Variants in LRRC4C observed in about 807,000 individuals in gnomAD.
The protein encoded by LRRC4C is leucine-rich repeat-containing protein 4C.
In LRRC4C, 5 loss-of-function variants were observed where a neutral mutation model predicts 33.6. The observed-to-expected ratio is 0.15, with a 90% confidence interval of 0.08 to 0.31. The LOEUF (loss-of-function observed/expected upper bound fraction) is 0.31, where lower values mean the gene tolerates loss of function less well. Among genes scored for constraint, LRRC4C ranks in the 10% least tolerant of loss-of-function variants. The probability of loss-of-function intolerance (pLI) is 1.00; values close to 1 mark genes in which losing one functional copy is unlikely to be tolerated. For missense variants in LRRC4C, 560 were observed against 796.7 expected (o/e 0.70, Z 3.58); for synonymous variants, 329 against 302.0 (o/e 1.09, Z -0.93).
chr11:40,310,326 G>A (rs572773519), intron 4 of LRRC4C, among the ~76,000 whole-genome samples: 141 of 152,194 alleles, frequency 9.3e-4, no homozygotes, highest in Non-Finnish European at 1.6e-3. Flanking sequence ...AGGTAAATAA[G>A]GAATGAATCA....
intron 1 of LRRC4C, among the ~76,000 whole-genome samples, chr11:41,183,072 T>C (rs2136166321): frequency 6.6e-6 from 1 of 152,172 alleles, no homozygotes; most frequent in South Asian, 2.1e-4. Context: ...CCCCATGATT[T>C]AATTACCTCC....
chr11:40,402,657 A>G (rs1949803974), intron 3 of LRRC4C, among the ~76,000 whole-genome samples: 1 of 152,128 alleles, frequency 6.6e-6, no homozygotes, highest in African/African-American at 2.4e-5. Context: ...CTAAACAATA[A>G]TCAATTCAAG....
At chr11:40,681,692 G>C (rs754440164) in intron 2 of LRRC4C, among the ~76,000 whole-genome samples, 2 of 152,076 alleles carry the variant, frequency 1.3e-5, no homozygotes, top group African/African-American at 2.4e-5. Context: ...TTGAGCCCCG[G>C]AGTTTGAGAC....
chr11:40,772,099 C>A (rs1949781571), intron 2 of LRRC4C, among the ~76,000 whole-genome samples: 1 of 152,138 alleles, frequency 6.6e-6, no homozygotes, highest in South Asian at 2.1e-4. Flanking sequence ...AAGAACTGCC[C>A]AAGACCGGGT....
chr11:41,095,708 A>T (rs927453661), intron 1 of LRRC4C, among the ~76,000 whole-genome samples: 4 of 152,304 alleles, frequency 2.6e-5, no homozygotes, highest in Admixed American at 2.6e-4. Context: ...CCAAGTAATT[A>T]AGTCTCTTTA....
At chr11:40,314,471 C>T (rs1199196438) in intron 4 of LRRC4C, among the ~76,000 whole-genome samples, 2 of 152,010 alleles carry the variant, frequency 1.3e-5, no homozygotes, top group Admixed American at 6.6e-5. Flanking sequence ...AGTACAACCA[C>T]CATGAAGAAA....
intron 1 of LRRC4C, among the ~76,000 whole-genome samples, chr11:41,110,542 A>G (rs1590623759): frequency 1.3e-5 from 2 of 152,104 alleles, no homozygotes; most frequent in African/African-American, 4.8e-5. Flanking sequence ...AGTAGTGTTT[A>G]CCATCGCAGG....
chr11:40,488,498 A>G (rs1287569058), intron 3 of LRRC4C, among the ~76,000 whole-genome samples: 3 of 148,864 alleles, frequency 2.0e-5, no homozygotes, highest in East Asian at 4.0e-4. Context: ...AGACTATGGT[A>G]TTCTAGTTCT....
At chr11:41,240,523 G>A (rs1265749626) in intron 1 of LRRC4C, among the ~76,000 whole-genome samples, 2 of 152,170 alleles carry the variant, frequency 1.3e-5, no homozygotes, top group Non-Finnish European at 2.9e-5. Context: ...TGTTTTGAAA[G>A]CACTCTGGTT....
chr11:41,406,921 G>T (rs1954262754), intron 1 of LRRC4C, among the ~76,000 whole-genome samples: 1 of 152,034 alleles, frequency 6.6e-6, no homozygotes, highest in East Asian at 1.9e-4. Context: ...AACTTCAAAT[G>T]TTAGTTTTTT....
intron 3 of LRRC4C, among the ~76,000 whole-genome samples, chr11:40,493,850 G>T (rs1176938965): frequency 1.3e-5 from 2 of 152,070 alleles, no homozygotes; most frequent in African/African-American, 4.8e-5. Context: ...TTCTCTCTCA[G>T]CCCCCCTAAA....
At chr11:40,893,063 G>T (rs145346675) in intron 2 of LRRC4C, among the ~76,000 whole-genome samples, 1 of 151,894 alleles carries the variant, frequency 6.6e-6, no homozygotes, top group Admixed American at 6.6e-5. Flanking sequence ...ATGAAATCCT[G>T]TCACTTACAG....
intron 3 of LRRC4C, among the ~76,000 whole-genome samples, chr11:40,456,289 T>C (rs900327258): frequency 5.3e-5 from 8 of 152,154 alleles, no homozygotes; most frequent in Non-Finnish European, 8.8e-5. Flanking sequence ...ATGTATATTG[T>C]AGCAATTTAT....
chr11:40,559,632 C>A (rs1957469457), intron 3 of LRRC4C, among the ~76,000 whole-genome samples: 1 of 152,152 alleles, frequency 6.6e-6, no homozygotes, highest in South Asian at 2.1e-4. Context: ...TACACTAGAA[C>A]CAACAGTGTG....
intron 3 of LRRC4C, among the ~76,000 whole-genome samples, chr11:40,537,572 A>G (rs1233992970): frequency 6.6e-6 from 1 of 152,196 alleles, no homozygotes; most frequent in African/African-American, 2.4e-5. Flanking sequence ...TTATAAGCAC[A>G]ACAACTCACA....
intron 3 of LRRC4C, among the ~76,000 whole-genome samples, chr11:40,582,696 T>C (rs1958525601): frequency 6.6e-6 from 1 of 151,938 alleles, no homozygotes; most frequent in Non-Finnish European, 1.5e-5. Flanking sequence ...TTTGTATTTT[T>C]AGTAGAGAGA....
chr11:40,424,621 T>C (rs1209523161), intron 3 of LRRC4C, among the ~76,000 whole-genome samples: 2 of 152,202 alleles, frequency 1.3e-5, no homozygotes, highest in Non-Finnish European at 2.9e-5. Context: ...GCTAAATATC[T>C]TACAGTGTGT....
At chr11:40,307,810 A>G (rs1277055289) in intron 4 of LRRC4C, among the ~76,000 whole-genome samples, 5 of 152,230 alleles carry the variant, frequency 3.3e-5, no homozygotes, top group African/African-American at 1.2e-4. Flanking sequence ...AGTAAACTAA[A>G]AAAAAGTTAG....
At chr11:41,278,645 G>T (rs1278401562) in intron 1 of LRRC4C, among the ~76,000 whole-genome samples, 1 of 152,192 alleles carries the variant, frequency 6.6e-6, no homozygotes, top group Non-Finnish European at 1.5e-5. Context: ...GTAGATCTCG[G>T]ACTTTGCATT....
Sources: allele counts gnomAD v4.1 joint callset (sites outside exome capture counted in the v4.1 genomes callset), GRCh38; gene constraint gnomAD v4.1.1; transcripts MANE v1.5; gene names NCBI Gene and HGNC (gene_info 2026-07-23, HGNC 2026-07-21).